SBNO1: variants seen among roughly 807,000 people sequenced by gnomAD.
SBNO1 encodes the protein protein strawberry notch homolog 1.
Under a neutral mutation model 173.6 loss-of-function variants are expected in SBNO1, and 23 were observed. The ratio of observed to expected loss-of-function variants is 0.13; its 90% CI spans 0.10 to 0.19. The LOEUF is 0.19. Among genes scored for constraint, SBNO1 ranks in the 10% least tolerant of loss-of-function variants. The pLI is 1.00. For synonymous variants in SBNO1, 632 were observed against 571.5 expected (o/e 1.11, Z -1.51); for missense variants, 1,238 against 1,671.2 (o/e 0.74, Z 4.52).
Position 123,347,671 on chromosome 12 carries a change from G to A in SBNO1, c.237+358C>T, listed in dbSNP as rs548764146. Among the ~76,000 whole-genome samples the A allele has an allele frequency of 7.0e-4, 107 of 152,172 alleles. 1 individual carries two copies. The highest frequency in any genetic ancestry group is 2.5e-3 in the African/African-American group (105 of 41,506). Reference sequence around the variant, plus strand: ...AGCCTCCCAAGTAGCTATGACTATAGGCGTGCACCACCACACCAAGCTAAT... The same window carrying A: ...AGCCTCCCAAGTAGCTATGACTATAAGCGTGCACCACCACACCAAGCTAAT... On this transcript the variant is annotated intron_variant, in intron 3 of 31. Coordinates refer to ENST00000602398, the MANE Select transcript of SBNO1 (RefSeq NM_001167856.3).
intron 4 of SBNO1, 91 bp downstream of exon 4, chr12:123,345,167 G>C: frequency 2.7e-6 from 3 of 1,126,404 alleles, no homozygotes; most frequent in Non-Finnish European, 3.9e-6. Flanking sequence ...TTTATGGCCA[G>C]TTCTTTAAAA....
chr12:123,307,235 G>A (rs2048942289), intron 28 of SBNO1, among the ~76,000 whole-genome samples: 1 of 151,862 alleles, frequency 6.6e-6, no homozygotes, highest in East Asian at 1.9e-4. Context: ...AACTCAACTA[G>A]GAGCCAGATC....
At chr12:123,312,103 A>C (rs1215779113) in intron 24 of SBNO1, among the ~76,000 whole-genome samples, 1 of 149,680 alleles carries the variant, frequency 6.7e-6, no homozygotes, top group African/African-American at 2.5e-5. Flanking sequence ...TTTCTGAGAC[A>C]GGGTCTCTCT....
intron 17 of SBNO1, 35 bp downstream of exon 17, chr12:123,321,500 T>C (rs1310750826): frequency 1.1e-5 from 15 of 1,403,474 alleles, no homozygotes; most frequent in East Asian, 2.3e-5. Context: ...TGAAATATTA[T>C]ATGCTTTCGT....
At chr12:123,334,733 A>G (rs1871633315) in intron 6 of SBNO1, among the ~76,000 whole-genome samples, 2 of 150,678 alleles carry the variant, frequency 1.3e-5, no homozygotes, top group South Asian at 4.2e-4. Flanking sequence ...AAAATTAAAT[A>G]ATAAATAAAA....
chr12:123,311,069 A>G lies in SBNO1; in HGVS notation c.3281T>C (p.Leu1094Pro). The change falls in exon 25 of 32, where the codon CTT becomes CCT. Residue 1094 changes from leucine (L) to proline (P), a missense_variant. Transcript: ENST00000602398. ...LINVEDRSGILTLDKDYNNIG... is the reference protein window; with the variant it reads ...LINVEDRSGIPTLDKDYNNIG... Reference sequence around the variant, plus strand: ...AATAGTAGTACCTTTATCGAGAGTAAGAATTCCCGAGCGATCTTCTACATT... The same window carrying G: ...AATAGTAGTACCTTTATCGAGAGTAGGAATTCCCGAGCGATCTTCTACATT... 1 of 1,612,326 alleles carries G rather than the reference A, an allele frequency of 6.2e-7. No individual in the cohort carries two copies. The highest frequency in any genetic ancestry group is 8.5e-7 in the Non-Finnish European group (1 of 1,178,432).
chr12:123,310,902 T>C (rs1868405071), intron 25 of SBNO1, among the ~76,000 whole-genome samples, 153 bp downstream of exon 25: 2 of 152,186 alleles, frequency 1.3e-5, no homozygotes, highest in South Asian at 2.1e-4. Flanking sequence ...TGCTTCTCTA[T>C]GCATGGATCT....
At chr12:123,350,210 C>A in intron 2 of SBNO1, 100 bp downstream of exon 2, 1 of 1,357,556 alleles carries the variant, frequency 7.4e-7, no homozygotes, top group Non-Finnish European at 1.0e-6. Flanking sequence ...GCCATGACTG[C>A]ACCACTGCAC....
Position 123,292,971 on chromosome 12 carries a change from A to C in SBNO1, c.*2937T>G, listed in dbSNP as rs1165149828. 1 of 152,224 alleles carries C rather than the reference A, an allele frequency of 6.6e-6. No homozygotes were observed. Among genetic ancestry groups the C allele is most frequent in the Admixed American group, 6.5e-5 (1 of 15,278 alleles). 9.4% of individuals were successfully genotyped at this position (152,224 alleles called of 1,614,324 possible). On this transcript the variant is annotated 3_prime_UTR_variant, in exon 32 of 32. Coordinates refer to ENST00000602398, the MANE Select transcript of SBNO1 (RefSeq NM_001167856.3). ...GGTATGGAGGTTGCTAAATGAGGGG[A>C]ACACTAATTCCCCCAGAGATAACAT...
intron 30 of SBNO1, among the ~76,000 whole-genome samples, chr12:123,300,940 C>G (rs1436653691): frequency 7.2e-6 from 1 of 139,012 alleles, no homozygotes; most frequent in Non-Finnish European, 1.5e-5. Flanking sequence ...GCCTGGGTGA[C>G]AGAGCAAGGA....
chr12:123,358,018 G>GCTT lies in SBNO1; in HGVS notation c.-1+6682_-1+6683insAAG, dbSNP rs533888931. On this transcript the variant is annotated intron_variant, in intron 1 of 31. Transcript: ENST00000602398. Reference sequence around the variant, plus strand: ...TCAATTGTCTTGATTCTCACTACAGGCTGAGTTTCCCGTATCTGAAACTTG... The same window carrying GCTT: ...TCAATTGTCTTGATTCTCACTACAGGCTTCTGAGTTTCCCGTATCTGAAACTTG... 2.0e-5 allele frequency among the ~76,000 whole-genome samples: 3 copies of GCTT among 152,280 alleles called. No individual in the cohort carries two copies. The South Asian group carries it at 6.2e-4, about 32-fold the overall frequency.
At chr12:123,350,553 TAATG>T (rs1873753328) in intron 1 of SBNO1, 112 bp from the exon 2 acceptor site, 3 of 844,334 alleles carry the variant, frequency 3.6e-6, no homozygotes, top group South Asian at 1.6e-5. Context: ...CATTCAGTAT[TAATG>T]AAGAACCTGC....
At chr12:123,355,477 G>A (rs1474777340) in intron 1 of SBNO1, among the ~76,000 whole-genome samples, 5 of 152,062 alleles carry the variant, frequency 3.3e-5, no homozygotes, top group African/African-American at 9.7e-5. Flanking sequence ...GGTGGCGGGC[G>A]CCTGTAATCC....
chr12:123,292,423 T>TTA lies in SBNO1; in HGVS notation c.*3484_*3485insTA, dbSNP rs1459851493. The TTA allele has an allele frequency of 6.6e-6, 1 of 152,162 alleles. No homozygotes were observed. The highest frequency in any genetic ancestry group is 1.5e-5 in the Non-Finnish European group (1 of 68,024). 9.4% of individuals were successfully genotyped at this position (152,162 alleles called of 1,614,324 possible). On this transcript the variant is annotated 3_prime_UTR_variant, in exon 32 of 32. Coordinates refer to ENST00000602398, the MANE Select transcript of SBNO1 (RefSeq NM_001167856.3). Reference sequence around the variant, plus strand: ...ATTTCCAATCTATTTTTTTATCTCATGCTAAAATGAAAGTGGAGGGGAGAG... The same window carrying TTA: ...ATTTCCAATCTATTTTTTTATCTCATTAGCTAAAATGAAAGTGGAGGGGAGAG...
At chr12:123,320,120 T>TA in intron 19 of SBNO1, 89 bp from the exon 20 acceptor site, 1 of 1,434,732 alleles carries the variant, frequency 7.0e-7, no homozygotes, top group Non-Finnish European at 9.7e-7. Context: ...ACTTGGGAGA[T>TA]AAGAGCACAG....
rs781198318 is a variant in SBNO1, at chr12:123,334,124, T to C, written c.838A>G (p.Ile280Val). 1 of 1,607,048 alleles carries C rather than the reference T, an allele frequency of 6.2e-7. No individual in the cohort carries two copies. Among genetic ancestry groups the C allele is most frequent in the Non-Finnish European group, 8.5e-7 (1 of 1,176,958 alleles). ...CCATTATCAATGGTTTCCTCAGAAATGGATGTTTTGTACCAAACATCAGGA... is the reference window on the plus strand; with the variant it reads ...CCATTATCAATGGTTTCCTCAGAAACGGATGTTTTGTACCAAACATCAGGA... The part of the protein sequence containing the change: ...TPPDVWYKTS[I>V]SEETIDNGWL... Residue 280 changes from isoleucine to valine, a missense_variant, in exon 7 of 32, where the codon ATT becomes GTT. Physicochemically the swap from Ile to Val is conservative, Grantham distance 29. Transcript: ENST00000602398.
chr12:123,357,413 C>T (rs1041897392), intron 1 of SBNO1, among the ~76,000 whole-genome samples: 1 of 151,714 alleles, frequency 6.6e-6, no homozygotes, highest in Admixed American at 6.6e-5. Flanking sequence ...TGCACCACTG[C>T]ACTCCAGCCT....
chr12:123,335,047 C>A (rs1871673734), intron 6 of SBNO1, among the ~76,000 whole-genome samples: 1 of 152,298 alleles, frequency 6.6e-6, no homozygotes, highest in African/African-American at 2.4e-5. Flanking sequence ...CAAAAATTAG[C>A]TGGGCATGGT....
intron 6 of SBNO1, among the ~76,000 whole-genome samples, chr12:123,336,176 A>G (rs1336789997): frequency 6.6e-6 from 1 of 152,190 alleles, no homozygotes; most frequent in Non-Finnish European, 1.5e-5. Flanking sequence ...TGTATTAAAT[A>G]TCTTAGCTTT....
Sources: gnomAD v4.1 joint callset for allele counts (sites outside exome capture counted in the v4.1 genomes callset) on GRCh38, gnomAD v4.1.1 for gene constraint, MANE v1.5 for transcripts, NCBI Gene and HGNC (gene_info 2026-07-23, HGNC 2026-07-21) for gene names.